CHODL: variants seen among roughly 807,000 people sequenced by gnomAD.
CHODL encodes chondrolectin.
CHODL carries 29 observed loss-of-function variants against 34.5 expected under a neutral mutation model. The observed-to-expected ratio is 0.84, with a 90% CI of 0.63 to 1.15. The LOEUF (loss-of-function observed/expected upper bound fraction) is 1.15, where lower values mean the gene tolerates loss of function less well. Ranked by LOEUF, CHODL falls within the 50% of genes most tolerant of loss-of-function variation. CHODL has a pLI of 0.00. For missense variants in CHODL, 332 were observed against 332.5 expected (o/e 1.00, Z 0.01); for synonymous variants, 125 against 116.1 (o/e 1.08, Z -0.49).
intron 1 of CHODL, among the ~76,000 whole-genome samples, chr21:18,009,901 T>C (rs866639206): frequency 2.0e-5 from 2 of 100,994 alleles, no homozygotes; most frequent in East Asian, 2.7e-4. Context: ...AAAAAAAAAA[T>C]AACATTTGGG....
intron 2 of CHODL, among the ~76,000 whole-genome samples, chr21:18,125,821 G>T (rs939672856): frequency 3.3e-5 from 5 of 152,094 alleles, no homozygotes; most frequent in Admixed American, 1.3e-4. Context: ...AAGAAAAACA[G>T]CTCACAAAAA....
chr21:17,923,372 T>C (rs1044578215), intron 1 of CHODL, among the ~76,000 whole-genome samples: 3 of 143,600 alleles, frequency 2.1e-5, no homozygotes, highest in South Asian at 5.0e-4. Context: ...TACAGATTTG[T>C]AAAATAAATT....
At chr21:18,197,920 A>G (rs1430851534) in intron 2 of CHODL, among the ~76,000 whole-genome samples, 2 of 152,256 alleles carry the variant, frequency 1.3e-5, no homozygotes, top group Non-Finnish European at 2.9e-5. Context: ...ATGCAACCAA[A>G]TAAATATTTC....
At chr21:18,016,053 G>A (rs2064070209) in intron 1 of CHODL, among the ~76,000 whole-genome samples, 1 of 152,212 alleles carries the variant, frequency 6.6e-6, no homozygotes. Context: ...TTCTGGGGAG[G>A]AATCAAGGCT....
chr21:18,244,515 A>G (rs1338812157), upstream of CHODL, among the ~76,000 whole-genome samples: 1 of 152,218 alleles, frequency 6.6e-6, no homozygotes, highest in Non-Finnish European at 1.5e-5. Flanking sequence ...AGGCCACACA[A>G]CTTGGCAACC....
intron 2 of CHODL, among the ~76,000 whole-genome samples, chr21:18,141,839 C>T (rs564109155): frequency 4.6e-5 from 7 of 151,980 alleles, no homozygotes; most frequent in African/African-American, 1.7e-4. Context: ...AATCAGGAAG[C>T]GTGTCAAGAA....
rs1177005708 is a variant in CHODL at position 18,171,198 on chromosome 21, G to GTTTTTTTTTT, written c.-44-85301_-44-85292dup. Among the ~76,000 whole-genome samples the GTTTTTTTTTT allele has an allele frequency of 5.1e-4, 19 of 37,060 alleles. 5 individuals carry two copies. The highest frequency in any genetic ancestry group is 1.6e-3 in the African/African-American group (11 of 6,942). 24.3% of individuals were successfully genotyped at this position (37,060 alleles called of 152,430 possible). A position where few individuals can be genotyped will look rare whatever the true frequency, so the allele number is the denominator to read the frequency against. On this transcript the variant is annotated intron_variant, in intron 2 of 6. Transcript: ENST00000400127. ...TGTTCTTCAGACATGGTTTTCTTTA[G>GTTTTTTTTTT]TTTTTTTTTTTTTTTTTTTGAGACG...
At chr21:18,118,984 G>A (rs9976869) in intron 2 of CHODL, among the ~76,000 whole-genome samples, 52,885 of 151,954 alleles carry the variant, frequency 0.35, 10,830 homozygotes, top group East Asian at 0.88. Flanking sequence ...CCAGCAGTCA[G>A]TTTTAACTCA....
chr21:17,927,180 A>ATATATG (rs1167711170), intron 1 of CHODL, among the ~76,000 whole-genome samples: 2 of 147,720 alleles, frequency 1.4e-5, no homozygotes, highest in East Asian at 3.9e-4. Context: ...ATATATGTAT[A>ATATATG]TATATGTATA....
intron 2 of CHODL, among the ~76,000 whole-genome samples, chr21:18,075,770 C>A (rs1448357160): frequency 6.6e-6 from 1 of 152,146 alleles, no homozygotes; most frequent in East Asian, 1.9e-4. Flanking sequence ...TATTGTACCC[C>A]CAAAATGCAT....
intron 1 of CHODL, among the ~76,000 whole-genome samples, chr21:17,976,162 T>C (rs775162672): frequency 6.7e-5 from 10 of 148,150 alleles, no homozygotes; most frequent in Admixed American, 1.4e-4. Context: ...TCCTAGTTAC[T>C]TGGGGGGCTA....
intron 2 of CHODL, among the ~76,000 whole-genome samples, chr21:18,175,056 G>A (rs2073289456): frequency 6.6e-6 from 1 of 152,162 alleles, no homozygotes; most frequent in Non-Finnish European, 1.5e-5. Context: ...ACAGGATTGA[G>A]TTAATTCTGT....
intron 2 of CHODL, among the ~76,000 whole-genome samples, chr21:18,058,761 T>C (rs1422141559): frequency 6.6e-6 from 1 of 152,192 alleles, no homozygotes; most frequent in Non-Finnish European, 1.5e-5. Context: ...ACATTCTCTT[T>C]CTTTGATTTC....
chr21:18,175,593 G>GAA (rs892655376), intron 2 of CHODL, among the ~76,000 whole-genome samples: 1 of 125,848 alleles, frequency 7.9e-6, no homozygotes. Context: ...ACTGTCTGGA[G>GAA]AAAAAAAAAA....
chr21:18,038,624 G>C (rs1030250560), intron 2 of CHODL, among the ~76,000 whole-genome samples: 1 of 151,660 alleles, frequency 6.6e-6, no homozygotes, highest in Non-Finnish European at 1.5e-5. Flanking sequence ...TCCCATATTT[G>C]ATGACCACTT....
intron 1 of CHODL, among the ~76,000 whole-genome samples, chr21:18,015,751 T>A (rs1008381953): frequency 6.6e-6 from 1 of 152,196 alleles, no homozygotes; most frequent in East Asian, 1.9e-4. Flanking sequence ...TACTGGGAAC[T>A]GGAGCAAAGA....
At chr21:17,972,741 C>A (rs2063625575) in intron 1 of CHODL, among the ~76,000 whole-genome samples, 1 of 152,160 alleles carries the variant, frequency 6.6e-6, no homozygotes. Context: ...AGATTCAATG[C>A]CATCCCCATC....
At chr21:18,091,780 G>A (rs1051664799) in intron 2 of CHODL, among the ~76,000 whole-genome samples, 1 of 152,156 alleles carries the variant, frequency 6.6e-6, no homozygotes, top group East Asian at 1.9e-4. Flanking sequence ...GAGCCCTTGG[G>A]CTTTAAGCAA....
chr21:18,097,252 C>T (rs1412260949), intron 2 of CHODL, among the ~76,000 whole-genome samples: 2 of 152,042 alleles, frequency 1.3e-5, no homozygotes, highest in Non-Finnish European at 2.9e-5. Flanking sequence ...GAATACAGGG[C>T]ACTCAAATTG....
Sources: gnomAD v4.1 joint callset for allele counts (sites outside exome capture counted in the v4.1 genomes callset) on GRCh38, gnomAD v4.1.1 for gene constraint, MANE v1.5 for transcripts, NCBI Gene and HGNC (gene_info 2026-07-23, HGNC 2026-07-21) for gene names.